Variants in PAPOLA observed in about 807,000 individuals in gnomAD.
The protein encoded by PAPOLA is polynucleotide adenylyltransferase alpha.
PAPOLA carries 15 observed loss-of-function variants against 100.6 expected under a neutral mutation model. The observed-to-expected ratio is 0.15, with a 90% confidence interval of 0.10 to 0.23. PAPOLA has a LOEUF of 0.23. PAPOLA is among the 10% of genes least tolerant of loss of function. The pLI is 1.00. For synonymous variants in PAPOLA, 293 were observed against 300.0 expected (o/e 0.98, Z 0.24); for missense variants, 533 against 884.2 (o/e 0.60, Z 5.04).
chr14:96,502,637 G>T, intron 1 of PAPOLA, 37 bp downstream of exon 1: 2 of 1,564,666 alleles, frequency 1.3e-6, no homozygotes, highest in East Asian at 2.4e-5. Flanking sequence ...TCGCTCGCCG[G>T]CTGGGCCTTG....
At chr14:96,502,798 C>T (rs562230364) in intron 1 of PAPOLA, 198 bp downstream of exon 1, 121 of 543,726 alleles carry the variant, frequency 2.2e-4, no homozygotes, top group Non-Finnish European at 3.3e-4. Context: ...GTTCCCGCGT[C>T]CCCCGACCCT....
chr14:96,512,379 T>TA (rs1317442387), intron 1 of PAPOLA, among the ~76,000 whole-genome samples: 5 of 151,946 alleles, frequency 3.3e-5, no homozygotes, highest in African/African-American at 9.7e-5. Context: ...TCTCTAAAAT[T>TA]AAAAAAATAT....
intron 21 of PAPOLA, among the ~76,000 whole-genome samples, chr14:96,563,409 A>G (rs1373167583): frequency 6.6e-6 from 1 of 152,202 alleles, no homozygotes; most frequent in East Asian, 1.9e-4. Flanking sequence ...CACATACAGA[A>G]TACAGTAGGC....
At position 96,532,525 on chromosome 14, in the gene PAPOLA, T is replaced by G; in HGVS notation, c.712T>G (p.Ser238Ala). Residue 238 changes from serine to alanine, a missense_variant, in exon 9 of 22, where the codon TCC becomes GCC. Transcript: ENST00000216277. ...CTTATCAACAGGCCACAACATCTAT[T>G]CCAATATATTAGGTTTCCTCGGTGG... ...KLWAKRHNIY[S>A]NILGFLGGVS... 2 of 1,609,602 alleles carry G rather than the reference T, an allele frequency of 1.2e-6. No individual in the cohort carries two copies. The highest frequency in any genetic ancestry group is 1.7e-6 in the Non-Finnish European group (2 of 1,178,764).
At chr14:96,546,299 C>T (rs1900390728) in intron 15 of PAPOLA, among the ~76,000 whole-genome samples, 1 of 152,144 alleles carries the variant, frequency 6.6e-6, no homozygotes, top group Non-Finnish European at 1.5e-5. Flanking sequence ...GTCCTAGCCA[C>T]TATAGTGCTG....
intron 1 of PAPOLA, among the ~76,000 whole-genome samples, chr14:96,513,471 A>C (rs1032983779): frequency 2.0e-5 from 3 of 152,208 alleles, no homozygotes; most frequent in African/African-American, 7.2e-5. Context: ...CTGTCCTAGT[A>C]TTTTTGTAAT....
At chr14:96,563,425 G>T (rs1057379419) in intron 21 of PAPOLA, among the ~76,000 whole-genome samples, 3 of 152,066 alleles carry the variant, frequency 2.0e-5, no homozygotes, top group Admixed American at 6.5e-5. Flanking sequence ...TAGGCATCTG[G>T]AATCTTTTTT....
At chr14:96,512,277 G>T (rs879829864) in intron 1 of PAPOLA, among the ~76,000 whole-genome samples, 1 of 151,904 alleles carries the variant, frequency 6.6e-6, no homozygotes, top group Non-Finnish European at 1.5e-5. Flanking sequence ...AAAAAACTGG[G>T]TGTCATGGTC....
rs1434196013 is a variant in PAPOLA, at chr14:96,504,086, A to G, written c.8+1486A>G. Among the ~76,000 whole-genome samples the G allele has an allele frequency of 5.3e-5, 8 of 152,214 alleles. No homozygotes were observed. The South Asian group carries it at 1.2e-3, about 24-fold the overall frequency. Reference sequence around the variant, plus strand: ...GACCCTAGGAGAACTGAGTCTAAGCAAGATTGTTGTGGTGTTTCTCAGTTC... The same window carrying G: ...GACCCTAGGAGAACTGAGTCTAAGCGAGATTGTTGTGGTGTTTCTCAGTTC... On this transcript the variant is annotated intron_variant, in intron 1 of 21. Coordinates refer to ENST00000216277, the MANE Select transcript of PAPOLA (RefSeq NM_032632.5).
At chr14:96,514,003 G>T (rs1328626527) in intron 1 of PAPOLA, among the ~76,000 whole-genome samples, 1 of 151,890 alleles carries the variant, frequency 6.6e-6, no homozygotes, top group African/African-American at 2.4e-5. Context: ...ATAGCATCTG[G>T]GTTTTAGATT....
intron 13 of PAPOLA, 27 bp downstream of exon 13, chr14:96,542,323 A>G: frequency 6.9e-7 from 1 of 1,450,440 alleles, no homozygotes; most frequent in Non-Finnish European, 9.6e-7. Flanking sequence ...ACTTTACAGA[A>G]AAAGCAAACT....
chr14:96,537,904 A>G (rs1218134109), intron 12 of PAPOLA: 2 of 152,016 alleles, frequency 1.3e-5, no homozygotes, highest in Admixed American at 1.3e-4. Context: ...GATGACCTTC[A>G]TGATGTCTCT....
intron 1 of PAPOLA, among the ~76,000 whole-genome samples, chr14:96,511,034 T>A (rs1363768718): frequency 2.0e-5 from 3 of 152,396 alleles, no homozygotes; most frequent in Admixed American, 1.3e-4. Context: ...CTGTGATGAA[T>A]TGTTACTTTA....
chr14:96,518,614 G>C (rs1321026075), intron 1 of PAPOLA, among the ~76,000 whole-genome samples: 3 of 151,656 alleles, frequency 2.0e-5, no homozygotes, highest in Non-Finnish European at 4.4e-5. Context: ...TTTCACTGTG[G>C]TCTCGATCTC....
chr14:96,544,908 C>T (rs1424818996), intron 15 of PAPOLA, among the ~76,000 whole-genome samples: 2 of 152,022 alleles, frequency 1.3e-5, no homozygotes, highest in African/African-American at 4.8e-5. Context: ...TTCAGATTGA[C>T]CTGTACCCTA....
rs777468472 is a variant in PAPOLA at position 96,535,885 on chromosome 14, C to A, written c.916C>A (p.Pro306Thr). 4 of 1,587,524 alleles carry A rather than the reference C, an allele frequency of 2.5e-6. No homozygotes were observed. The highest frequency in any genetic ancestry group is 3.4e-6 in the Non-Finnish European group (4 of 1,166,572). The change falls in exon 11 of 22, where the codon CCC becomes ACC. Residue 306 changes from proline to threonine, a missense_variant. Physicochemically the swap from Pro to Thr is conservative, Grantham distance 38 (BLOSUM62 -1). This residue lies in a region of PAPOLA where 87 missense variants were observed against 173.3 expected (regional missense o/e 0.50). Transcript: ENST00000216277. Reference sequence around the variant, plus strand: ...TGGCTGTTGTTGTATGTAGGTAAACCCCAGTGATAGGTACCATCTTATGCC... The same window carrying A: ...TGGCTGTTGTTGTATGTAGGTAAACACCAGTGATAGGTACCATCTTATGCC... ...NLPVWDPRVN[P>T]SDRYHLMPII...
intron 1 of PAPOLA, among the ~76,000 whole-genome samples, chr14:96,506,421 C>A (rs1349792618): frequency 6.6e-6 from 1 of 152,038 alleles, no homozygotes; most frequent in Non-Finnish European, 1.5e-5. Context: ...TCATGGAGCT[C>A]CATTTTTATC....
chr14:96,502,902 G>A (rs1388642343), intron 1 of PAPOLA: 4 of 386,202 alleles, frequency 1.0e-5, no homozygotes, highest in Non-Finnish European at 1.8e-5. Context: ...CAGCTTCTCC[G>A]CCCCGTCCAC....
chr14:96,516,271 A>G (rs1438851651), intron 1 of PAPOLA, among the ~76,000 whole-genome samples: 1 of 152,086 alleles, frequency 6.6e-6, no homozygotes, highest in Admixed American at 6.6e-5. Context: ...ATTTCAGAGT[A>G]TGCATTTGTT....
Sources: gnomAD v4.1 joint callset for allele counts (sites outside exome capture counted in the v4.1 genomes callset) on GRCh38, gnomAD v4.1.1 for gene constraint, gnomAD v4.1.1 regional missense constraint, MANE v1.5 for transcripts, NCBI Gene and HGNC (gene_info 2026-07-23, HGNC 2026-07-21) for gene names.